Variants in CCL17 observed in about 807,000 individuals in gnomAD.
The protein encoded by CCL17 is C-C motif chemokine ligand 17.
In CCL17, 8 loss-of-function variants were observed where a neutral mutation model predicts 7.4. The observed-to-expected ratio is 1.09, with a 90% CI of 0.64 to 1.96. The LOEUF is 1.96. Ranked by LOEUF, CCL17 falls within the 30% of genes most tolerant of loss-of-function variation. CCL17 has a pLI of 0.00. For missense variants in CCL17, 102 were observed against 113.0 expected (o/e 0.90, Z 0.44); for synonymous variants, 40 against 46.1 (o/e 0.87, Z 0.54).
rs184770866 is a variant in CCL17 at position 57,412,343 on chromosome 16, C to T, written c.-59-1531C>T. On this transcript the variant is annotated intron_variant, in intron 1 of 3. Transcript: ENST00000219244. ...GGGGTGGGGAGAGGAGCGCCTGAGG[C>T]TCCTCCGAAGTCGAGGGTCTTTGTC... Among the ~76,000 whole-genome samples, 14 of 152,326 alleles carry T rather than the reference C, an allele frequency of 9.2e-5. No individual in the cohort carries two copies. In the East Asian group the frequency reaches 1.2e-3, roughly 13 times the overall value.
upstream of CCL17, among the ~76,000 whole-genome samples, chr16:57,403,573 TA>T (rs1902645477): frequency 1.8e-5 from 1 of 55,052 alleles, no homozygotes; most frequent in Non-Finnish European, 3.2e-5. Flanking sequence ...AATATATATT[TA>T]TAATATATAT....
At chr16:57,403,406 AAT>A (rs537032267), upstream of CCL17, among the ~76,000 whole-genome samples, 1,243 of 21,198 alleles carry the variant, frequency 0.059, 172 homozygotes, top group Middle Eastern at 0.1. Context: ...TATATATTAT[AAT>A]ATATATATTA....
Position 57,415,797 on chromosome 16 carries a change from C to T in CCL17, c.221C>T (p.Ser74Leu), listed in dbSNP as rs372670099. The T allele has an allele frequency of 7.4e-6, 12 of 1,613,160 alleles. No homozygotes were observed. The highest frequency in any genetic ancestry group is 2.2e-5 in the East Asian group (1 of 44,890). Reference protein sequence around the residue: ...FVTVQGRAICSDPNNKRVKNA... With the variant: ...FVTVQGRAICLDPNNKRVKNA... ...ACTGTGCAGGGCAGGGCCATCTGTT[C>T]GGACCCCAACAACAAGAGAGTGAAG... The change falls in exon 4 of 4, where the codon TCG (serine) becomes TTG (leucine). Residue 74 changes from serine (S) to leucine (L), a missense_variant. Coordinates refer to ENST00000219244, the MANE Select transcript of CCL17 (RefSeq NM_002987.3). The surrounding 1 kb of genome is among the most constrained non-coding windows in gnomAD (Gnocchi z 4.5).
At chr16:57,413,427 G>A (rs1261020658) in intron 1 of CCL17, among the ~76,000 whole-genome samples, 1 of 151,758 alleles carries the variant, frequency 6.6e-6, no homozygotes, top group African/African-American at 2.4e-5. Context: ...ATGCCCGGCA[G>A]CCAGGGTGGC....
Position 57,415,935 on chromosome 16 carries a change from C to T in CCL17, c.*74C>T, listed in dbSNP as rs1902863831. 1.0e-6 allele frequency: 1 copy of T among 985,736 alleles called. No homozygotes were observed. The highest frequency in any genetic ancestry group is 1.3e-5 in the South Asian group (1 of 75,268). The allele number at this position is 985,736 out of a possible 1,614,324, so 61.1% of individuals were successfully genotyped here. On this transcript the variant is annotated 3_prime_UTR_variant, in exon 4 of 4. Coordinates refer to ENST00000219244, the MANE Select transcript of CCL17 (RefSeq NM_002987.3). This position sits in a 1 kb window ranked among gnomAD's most constrained non-coding sequence, Gnocchi z 4.5. ...CTCCACCGTTGGTGTTCACCGCCCC[C>T]ACCCTGAGCGCCTGGGTCCAGGGGA...
intron 2 of CCL17, 113 bp from the exon 3 acceptor site, chr16:57,414,968 C>G (rs1598014645): frequency 2.7e-6 from 2 of 736,568 alleles, no homozygotes; most frequent in South Asian, 2.9e-5. Context: ...TCATCACACA[C>G]AGATGCACAC....
At chr16:57,396,870 C>T in the CCL17 span, among the ~76,000 whole-genome samples, 1 of 152,048 alleles carries the variant, frequency 6.6e-6, no homozygotes, top group Non-Finnish European at 1.5e-5. Context: ...AGACAGTATT[C>T]GTGGTTGCAG....
chr16:57,407,821 C>A (rs1343033714), intron 1 of CCL17, among the ~76,000 whole-genome samples: 1 of 151,636 alleles, frequency 6.6e-6, no homozygotes, highest in Non-Finnish European at 1.5e-5. Context: ...TCCGTCTGTC[C>A]ATCCATTCAT....
chr16:57,403,585 A>AATATATATTATAAATATATATT (rs1902646685), upstream of CCL17, among the ~76,000 whole-genome samples: 6 of 48,660 alleles, frequency 1.2e-4, no homozygotes, highest in African/African-American at 8.1e-4. Flanking sequence ...TAATATATAT[A>AATATATATTATAAATATATATT]ATATATATTT....
upstream of CCL17, among the ~76,000 whole-genome samples, chr16:57,403,495 TA>T (rs1902638410): frequency 3.8e-5 from 1 of 26,022 alleles, no homozygotes; most frequent in African/African-American, 2.3e-4. Flanking sequence ...ATAATATATA[TA>T]TTATAATATA....
chr16:57,405,219 G>A (rs1223273033), intron 1 of CCL17, among the ~76,000 whole-genome samples: 4 of 152,144 alleles, frequency 2.6e-5, no homozygotes, highest in Admixed American at 1.3e-4. Context: ...ACCACATGTG[G>A]GCATGCAGCT....
rs748859619 is a variant in CCL17, at chr16:57,415,870, C to CA, written c.*10dup. On this transcript the variant is annotated 3_prime_UTR_variant, in exon 4 of 4. Coordinates refer to ENST00000219244, the MANE Select transcript of CCL17 (RefSeq NM_002987.3). This position sits in a 1 kb window ranked among gnomAD's most constrained non-coding sequence, Gnocchi z 4.5. ...GCCTTGAGAGGTCTTGAAGCCTCCT[C>CA]ACCCCAGACTCCTGACTGTCTCCCG... 3 of 1,541,336 alleles carry CA rather than the reference C, an allele frequency of 1.9e-6. No individual in the cohort carries two copies. Among genetic ancestry groups the CA allele is most frequent in the Admixed American group, 1.7e-5 (1 of 59,900 alleles).
chr16:57,404,168 G>A (rs900654894), upstream of CCL17, among the ~76,000 whole-genome samples: 3 of 152,150 alleles, frequency 2.0e-5, no homozygotes, highest in Admixed American at 6.6e-5. Context: ...CAGAACTCGC[G>A]GGGCCTCGTG....
At chr16:57,414,862 A>G (rs1186460928) in intron 2 of CCL17, among the ~76,000 whole-genome samples, 1 of 151,894 alleles carries the variant, frequency 6.6e-6, no homozygotes, top group Admixed American at 6.6e-5. Context: ...CCACAAACAC[A>G]CGGGACCCCA....
the CCL17 span, among the ~76,000 whole-genome samples, chr16:57,396,369 G>A: frequency 2.0e-5 from 3 of 152,334 alleles, no homozygotes; most frequent in East Asian, 5.8e-4. Flanking sequence ...TGTTAAAAAG[G>A]TGTGTGAGTT....
upstream of CCL17, among the ~76,000 whole-genome samples, chr16:57,403,156 TAA>T (rs1375452594): frequency 1.2e-5 from 1 of 86,466 alleles, no homozygotes; most frequent in African/African-American, 4.9e-5. Context: ...ATAATATATA[TAA>T]TATATATTAT....
upstream of CCL17, among the ~76,000 whole-genome samples, chr16:57,404,612 C>T (rs1056537788): frequency 5.9e-5 from 9 of 152,080 alleles, no homozygotes; most frequent in African/African-American, 9.6e-5. Context: ...CTGGAGTTTG[C>T]GAGAGAAACT....
At chr16:57,396,756 G>A in the CCL17 span, among the ~76,000 whole-genome samples, 1 of 152,090 alleles carries the variant, frequency 6.6e-6, no homozygotes, top group African/African-American at 2.4e-5. Flanking sequence ...GATCAGTTGG[G>A]GCTTGAAGTT....
chr16:57,403,922 GC>G (rs1239624803), upstream of CCL17, among the ~76,000 whole-genome samples: 1 of 151,562 alleles, frequency 6.6e-6, no homozygotes, highest in African/African-American at 2.4e-5. Context: ...CTCCCAAAGT[GC>G]TGGGATTACA....
Sources: allele counts gnomAD v4.1 joint callset (sites outside exome capture counted in the v4.1 genomes callset), GRCh38; gene constraint gnomAD v4.1.1; non-coding constraint Gnocchi (gnomAD v3.1); transcripts MANE v1.5; gene names NCBI Gene and HGNC (gene_info 2026-07-23, HGNC 2026-07-21).